ROCK2: variants seen among roughly 807,000 people sequenced by gnomAD.
ROCK2 encodes the protein rho-associated protein kinase 2.
Under a neutral mutation model 195.1 loss-of-function variants are expected in ROCK2, and 61 were observed. The observed-to-expected ratio is 0.31, with a 90% confidence interval of 0.25 to 0.39. The LOEUF (loss-of-function observed/expected upper bound fraction) is 0.39. ROCK2 is among the 10% of genes least tolerant of loss of function. The pLI is 1.00. For missense variants in ROCK2, 1,109 were observed against 1,637.4 expected (o/e 0.68, Z 5.57); for synonymous variants, 504 against 545.5 (o/e 0.92, Z 1.06).
At chr2:11,216,277 G>C (rs1307698133) in intron 12 of ROCK2, 71 bp from the exon 13 acceptor site, 1 of 1,124,422 alleles carries the variant, frequency 8.9e-7, no homozygotes, top group East Asian at 2.4e-5. Flanking sequence ...AAATTTAAAA[G>C]TAATTACATA....
chr2:11,236,186 T>C (rs886081608), intron 4 of ROCK2, among the ~76,000 whole-genome samples: 11 of 152,042 alleles, frequency 7.2e-5, no homozygotes, highest in African/African-American at 2.7e-4. Context: ...TAAATGAATA[T>C]TTCCCCTCAT....
rs144223714 is a variant in ROCK2 at position 11,282,513 on chromosome 2, C to T, written c.324+4026G>A. 4.6e-4 allele frequency among the ~76,000 whole-genome samples: 69 copies of T among 150,012 alleles called. 1 individual carries two copies. The highest frequency in any genetic ancestry group is 1.4e-3 in the African/African-American group (57 of 40,622). The stretch of plus-strand genomic sequence containing the variant: ...ACAGAATAGAGAGCCCAGAAATAGA[C>T]CCACATAAATATAGTCAACTGATCT... On this transcript the variant is annotated intron_variant, in intron 3 of 32. Coordinates refer to ENST00000315872, the MANE Select transcript of ROCK2 (RefSeq NM_004850.5).
chr2:11,243,311 G>T (rs181546962), intron 4 of ROCK2, among the ~76,000 whole-genome samples: 1 of 152,068 alleles, frequency 6.6e-6, no homozygotes, highest in African/African-American at 2.4e-5. Flanking sequence ...AAATGTAAGC[G>T]CAATGGAAAT....
At chr2:11,194,207 T>C (rs770546446) in intron 29 of ROCK2, 49 bp downstream of exon 29, 2 of 822,362 alleles carry the variant, frequency 2.4e-6, no homozygotes, top group Admixed American at 2.5e-5. Context: ...TGTTAGTCTC[T>C]TATACTTTAA....
chr2:11,238,232 GTGTGTGTGTCTGT>G (rs1297288179), intron 4 of ROCK2, among the ~76,000 whole-genome samples: 23 of 151,204 alleles, frequency 1.5e-4, no homozygotes, highest in Admixed American at 1.5e-3. Flanking sequence ...GTGTGTGTGT[GTGTGTGTGTCTGT>G]TGTGTGTGTC....
intron 1 of ROCK2, 54 bp from the exon 2 acceptor site, chr2:11,287,790 T>C (rs2148195254): frequency 1.4e-6 from 1 of 708,750 alleles, no homozygotes; most frequent in South Asian, 3.8e-5. Flanking sequence ...CAAGCATTCA[T>C]TTAAAAAAGT....
chr2:11,322,425 C>T (rs1416609667), intron 1 of ROCK2, among the ~76,000 whole-genome samples: 1 of 151,044 alleles, frequency 6.6e-6, no homozygotes, highest in Non-Finnish European at 1.5e-5. Context: ...AAACAGTAGC[C>T]ATTTAAGTGT....
At chr2:11,269,032 GC>G (rs562677684) in intron 3 of ROCK2, among the ~76,000 whole-genome samples, 1 of 151,986 alleles carries the variant, frequency 6.6e-6, no homozygotes, top group South Asian at 2.1e-4. Flanking sequence ...GCTCAAATCT[GC>G]CCCTTTGACT....
At chr2:11,254,401 C>G (rs1665944588) in intron 3 of ROCK2, among the ~76,000 whole-genome samples, 1 of 152,042 alleles carries the variant, frequency 6.6e-6, no homozygotes. Context: ...AATGAAGCAG[C>G]TAAATTATTC....
chr2:11,264,051 T>C (rs182485785), intron 3 of ROCK2, among the ~76,000 whole-genome samples: 3 of 150,578 alleles, frequency 2.0e-5, no homozygotes, highest in South Asian at 2.1e-4. Context: ...GGAATGGGGA[T>C]AGGAGTAATA....
intron 27 of ROCK2, among the ~76,000 whole-genome samples, chr2:11,195,752 TG>T (rs1192036851): frequency 2.0e-5 from 3 of 152,212 alleles, no homozygotes; most frequent in African/African-American, 7.2e-5. Flanking sequence ...TGACCTCAGG[TG>T]ATCTGTCTGC....
chr2:11,224,409 A>G lies in ROCK2; in HGVS notation c.920T>C (p.Met307Thr). Residue 307 changes from methionine to threonine, a missense_variant, in exon 7 of 33, where the codon ATG becomes ACG. Transcript: ENST00000315872. ...GAAACACAGTGAATTCTTATGATCC[A>G]TAATTTTGCTATATGTTCCTACAAG... Reference protein sequence around the residue: ...DSLVGTYSKIMDHKNSLCFPE... With the variant: ...DSLVGTYSKITDHKNSLCFPE... The G allele has an allele frequency of 6.2e-7, 1 of 1,612,768 alleles. No individual in the cohort carries two copies. The highest frequency in any genetic ancestry group is 8.5e-7 in the Non-Finnish European group (1 of 1,179,250).
intron 5 of ROCK2, among the ~76,000 whole-genome samples, chr2:11,231,307 G>A (rs999940616): frequency 2.0e-5 from 3 of 151,810 alleles, no homozygotes; most frequent in Admixed American, 6.6e-5. Context: ...GGGTTCAAGC[G>A]ATTCTCCTGC....
intron 1 of ROCK2, among the ~76,000 whole-genome samples, chr2:11,317,018 C>A (rs1409227135): frequency 1.3e-5 from 2 of 152,014 alleles, no homozygotes; most frequent in Non-Finnish European, 2.9e-5. Context: ...AGTTTGAGAC[C>A]TTCTTCAGAC....
At chr2:11,247,539 T>A (rs902921646) in intron 4 of ROCK2, among the ~76,000 whole-genome samples, 2 of 152,222 alleles carry the variant, frequency 1.3e-5, no homozygotes, top group African/African-American at 4.8e-5. Flanking sequence ...TCTCAATTAC[T>A]TCAATAATCA....
At chr2:11,234,072 T>C (rs909864966) in intron 5 of ROCK2, 43 of 152,108 alleles carry the variant, frequency 2.8e-4, no homozygotes, top group Middle Eastern at 3.4e-3. Context: ...AACATGCAAA[T>C]TCTTGAAGCA....
At chr2:11,230,747 T>C (rs900320745) in intron 5 of ROCK2, among the ~76,000 whole-genome samples, 10 of 152,188 alleles carry the variant, frequency 6.6e-5, no homozygotes, top group Admixed American at 2.0e-4. Flanking sequence ...TGTGTTATCA[T>C]GGTCAAAAAA....
At chr2:11,283,590 G>GAAAGAAAGAAAGAAAGAAAGA (rs1453321680) in intron 3 of ROCK2, among the ~76,000 whole-genome samples, 1 of 133,530 alleles carries the variant, frequency 7.5e-6, no homozygotes, top group Admixed American at 7.5e-5. Flanking sequence ...AAAAAAGCAA[G>GAAAGAAAGAAAGAAAGAAAGA]AAAGAAAAGA....
intron 3 of ROCK2, among the ~76,000 whole-genome samples, chr2:11,260,104 T>C (rs1317215536): frequency 6.6e-6 from 1 of 151,446 alleles, no homozygotes; most frequent in Non-Finnish European, 1.5e-5. Flanking sequence ...CAAATAGTCA[T>C]TCCAGCAATG....
Sources: allele counts gnomAD v4.1 joint callset (sites outside exome capture counted in the v4.1 genomes callset), GRCh38; gene constraint gnomAD v4.1.1; transcripts MANE v1.5; gene names NCBI Gene and HGNC (gene_info 2026-07-23, HGNC 2026-07-21).